The following VPS35L variants were observed in gnomAD, a reference collection of about 807,000 sequenced individuals.
VPS35L encodes the protein VPS35 endosomal protein sorting factor like.
A neutral mutation model predicts 133.0 loss-of-function variants in VPS35L; 83 were observed. The observed-to-expected ratio is 0.62, with a 90% CI of 0.52 to 0.75. The LOEUF is 0.75. Ranked by LOEUF, VPS35L falls within the 30% of genes least tolerant of loss-of-function variation. The probability of loss-of-function intolerance (pLI) is 0.00; values close to 1 mark genes in which losing one functional copy is unlikely to be tolerated. For synonymous variants in VPS35L, 423 were observed against 449.9 expected (o/e 0.94, Z 0.76); for missense variants, 1,083 against 1,206.8 (o/e 0.90, Z 1.52).
intron 29 of VPS35L, among the ~76,000 whole-genome samples, chr16:19,698,670 A>AGTGTG (rs1976003459): frequency 6.6e-6 from 1 of 152,164 alleles, no homozygotes; most frequent in Non-Finnish European, 1.5e-5. Flanking sequence ...TCTTACACGC[A>AGTGTG]TTCACTGTCA....
In VPS35L at chr16:19,610,636, G is replaced by T. The variant is rs73535619; in HGVS notation, c.1023+221G>T. On this transcript the variant is annotated intron_variant, in intron 12 of 30. Transcript: ENST00000417362. ...CAACTTACTGTAGCTCTAATTAGGGGACGTTTAAGGTCATCTTCTTACAAA... is the reference window on the plus strand; with the variant it reads ...CAACTTACTGTAGCTCTAATTAGGGTACGTTTAAGGTCATCTTCTTACAAA... The T allele has an allele frequency of 1.0e-3, 383 of 381,258 alleles. 1 individual carries two copies. Among genetic ancestry groups the T allele is most frequent in the African/African-American group, 7.5e-3 (362 of 48,352 alleles). 23.6% of individuals were successfully genotyped at this position (381,258 alleles called of 1,614,324 possible). A position where few individuals can be genotyped will look rare whatever the true frequency, so the allele number is the denominator to read the frequency against.
At chr16:19,616,849 A>G in intron 14 of VPS35L, 41 bp downstream of exon 14, 1 of 1,613,724 alleles carries the variant, frequency 6.2e-7, no homozygotes, top group Non-Finnish European at 8.5e-7. Context: ...CACCTCCTGT[A>G]TGGTGACAGC....
intron 10 of VPS35L, 182 bp from the exon 11 acceptor site, chr16:19,608,792 G>C: frequency 3.6e-6 from 2 of 553,838 alleles, no homozygotes; most frequent in Non-Finnish European, 6.4e-6. Context: ...TTTCAAATAA[G>C]TATGAAACTT....
chr16:19,594,394 A>G (rs1166699117), intron 8 of VPS35L, among the ~76,000 whole-genome samples: 1 of 152,074 alleles, frequency 6.6e-6, no homozygotes, highest in East Asian at 1.9e-4. Flanking sequence ...CTATAATCCT[A>G]CCACTTTTGG....
intron 26 of VPS35L, among the ~76,000 whole-genome samples, chr16:19,661,879 T>C (rs1287544709): frequency 1.3e-5 from 2 of 152,196 alleles, no homozygotes; most frequent in Non-Finnish European, 2.9e-5. Context: ...TCTGGTTAAA[T>C]AGGGAGTACA....
At chr16:19,587,097 A>G (rs1412923784) in intron 7 of VPS35L, among the ~76,000 whole-genome samples, 1 of 104,810 alleles carries the variant, frequency 9.5e-6, no homozygotes, top group Non-Finnish European at 2.2e-5. Flanking sequence ...GGAGAGAGAA[A>G]GAGAGAGAGA....
intron 9 of VPS35L, among the ~76,000 whole-genome samples, chr16:19,607,159 G>T (rs1010962676): frequency 1.3e-5 from 2 of 152,168 alleles, no homozygotes; most frequent in African/African-American, 4.8e-5. Flanking sequence ...ATAAATTTCT[G>T]CTGTTTAAAA....
chr16:19,641,890 G>A (rs185453700), intron 21 of VPS35L, among the ~76,000 whole-genome samples: 102 of 152,294 alleles, frequency 6.7e-4, no homozygotes, highest in Non-Finnish European at 4.6e-4. Flanking sequence ...AAGTTATCAT[G>A]TGTATAGAAG....
intron 11 of VPS35L, among the ~76,000 whole-genome samples, chr16:19,610,024 A>G (rs1217128095): frequency 6.6e-6 from 1 of 152,172 alleles, no homozygotes; most frequent in African/African-American, 2.4e-5. Context: ...TTGAAGACAA[A>G]AACTGTTAAA....
rs528392560 is a variant in VPS35L, at chr16:19,695,266, A to G, written c.2646+3795A>G. Among the ~76,000 whole-genome samples, 6 of 152,346 alleles carry G rather than the reference A, an allele frequency of 3.9e-5. No individual in the cohort carries two copies. In the South Asian group the frequency reaches 1.0e-3, roughly 26 times the overall value. ...CCGAGGCAATAGGCTGGGTTTAATC[A>G]GAGGTGGTCACTGACAGCATAAATG... is the stretch of plus-strand genomic sequence containing the variant. On this transcript the variant is annotated intron_variant, in intron 29 of 30. Coordinates refer to ENST00000417362, the MANE Select transcript of VPS35L (RefSeq NM_020314.7).
chr16:19,681,474 T>A (rs971806521), intron 27 of VPS35L, among the ~76,000 whole-genome samples: 4 of 152,142 alleles, frequency 2.6e-5, no homozygotes, highest in Non-Finnish European at 5.9e-5. Flanking sequence ...TGGGGTGGGC[T>A]AGCAAGGCCA....
intron 7 of VPS35L, among the ~76,000 whole-genome samples, chr16:19,584,243 T>C (rs2151520336): frequency 6.6e-6 from 1 of 152,322 alleles, no homozygotes; most frequent in South Asian, 2.1e-4. Context: ...CTACATCATA[T>C]GGTAGTTCTA....
chr16:19,622,859 G>A (rs1463903737), intron 14 of VPS35L, among the ~76,000 whole-genome samples: 1 of 152,188 alleles, frequency 6.6e-6, no homozygotes, highest in African/African-American at 2.4e-5. Context: ...GCTTTTGGCT[G>A]CAAGGAACAA....
chr16:19,600,162 C>T (rs978926420), intron 8 of VPS35L, among the ~76,000 whole-genome samples: 4 of 151,966 alleles, frequency 2.6e-5, no homozygotes, highest in Non-Finnish European at 4.4e-5. Context: ...CCTGATCCCA[C>T]GTTCTTTAAC....
chr16:19,685,743 G>A (rs1975435082), intron 28 of VPS35L, among the ~76,000 whole-genome samples: 1 of 152,108 alleles, frequency 6.6e-6, no homozygotes, highest in African/African-American at 2.4e-5. Flanking sequence ...TGGCTGGCGA[G>A]GTTGAACACC....
chr16:19,573,306 T>C, intron 4 of VPS35L, 65 bp downstream of exon 4: 1 of 1,515,036 alleles, frequency 6.6e-7, no homozygotes, highest in Non-Finnish European at 9.0e-7. Flanking sequence ...TTTTGTTATG[T>C]TGCTTCAACT....
At chr16:19,575,043 A>G in intron 4 of VPS35L, 55 bp from the exon 5 acceptor site, 1 of 1,462,034 alleles carries the variant, frequency 6.8e-7, no homozygotes, top group Non-Finnish European at 9.4e-7. Flanking sequence ...GTTGGAAAAC[A>G]ATGAACATAC....
chr16:19,687,349 G>T (rs907475688), intron 28 of VPS35L, among the ~76,000 whole-genome samples: 1 of 152,192 alleles, frequency 6.6e-6, no homozygotes, highest in Non-Finnish European at 1.5e-5. Context: ...TCCTTCACCA[G>T]CTGCAGTTTT....
intron 22 of VPS35L, among the ~76,000 whole-genome samples, chr16:19,644,021 CTT>C (rs903982203): frequency 3.3e-4 from 50 of 152,060 alleles, no homozygotes; most frequent in African/African-American, 1.2e-3. Context: ...AGTGGGCAAT[CTT>C]TGCCAAAACA....
Sources: gnomAD v4.1 joint callset for allele counts (sites outside exome capture counted in the v4.1 genomes callset) on GRCh38, gnomAD v4.1.1 for gene constraint, MANE v1.5 for transcripts, NCBI Gene and HGNC (gene_info 2026-07-23, HGNC 2026-07-21) for gene names.